MGAT4C: variants seen among roughly 807,000 people sequenced by gnomAD.
MGAT4C encodes alpha-1,3-mannosyl-glycoprotein 4-beta-N-acetylglucosaminyltransferase C.
MGAT4C carries 19 observed loss-of-function variants against 40.1 expected under a neutral mutation model. That is an observed-to-expected ratio of 0.47 (90% confidence interval 0.33 to 0.70). The LOEUF (loss-of-function observed/expected upper bound fraction) is 0.70. Among genes scored for constraint, MGAT4C ranks in the 30% least tolerant of loss-of-function variants. MGAT4C has a pLI of 0.02. For synonymous variants in MGAT4C, 181 were observed against 187.1 expected (o/e 0.97, Z 0.27); for missense variants, 491 against 563.2 (o/e 0.87, Z 1.30).
intron 3 of MGAT4C, among the ~76,000 whole-genome samples, chr12:86,361,814 A>C (rs1413132398): frequency 1.3e-5 from 2 of 152,240 alleles, no homozygotes; most frequent in South Asian, 4.1e-4. Context: ...TAGAATGGCG[A>C]TCATTAAAAA....
At chr12:86,092,191 T>C (rs1054139865) in intron 1 of MGAT4C, among the ~76,000 whole-genome samples, 2 of 152,140 alleles carry the variant, frequency 1.3e-5, no homozygotes, top group Non-Finnish European at 2.9e-5. Context: ...AAATTAGTGA[T>C]GGTTAGCTAC....
chr12:86,549,787 G>C (rs540380406), intron 2 of MGAT4C, among the ~76,000 whole-genome samples: 1 of 152,164 alleles, frequency 6.6e-6, no homozygotes, highest in South Asian at 2.1e-4. Context: ...AAGTGGAAAC[G>C]CACCTATGGT....
chr12:86,211,755 T>C (rs1950480330), intron 1 of MGAT4C, among the ~76,000 whole-genome samples: 1 of 152,164 alleles, frequency 6.6e-6, no homozygotes, highest in Admixed American at 6.5e-5. Context: ...AGCTGATCCA[T>C]ACTGGAGTTG....
In MGAT4C at chr12:86,035,136, T is replaced by A. The variant is rs1891111525; in HGVS notation, c.-7+14538A>T. ...GTCATATAGTATTTCTAGTTCTAGA[T>A]AAATTGCCACCGTCTCTTCCACAAT... is the stretch of plus-strand genomic sequence containing the variant. On this transcript the variant is annotated intron_variant, in intron 2 of 4. Transcript: ENST00000611864. 3.3e-5 allele frequency among the ~76,000 whole-genome samples: 5 copies of A among 149,408 alleles called. 1 individual carries two copies. Among genetic ancestry groups the A allele is most frequent in the Admixed American group, 6.7e-5 (1 of 14,862 alleles).
chr12:86,226,923 A>G (rs12311407), intron 1 of MGAT4C, among the ~76,000 whole-genome samples: 19,383 of 151,782 alleles, frequency 0.13, 2,782 homozygotes, highest in African/African-American at 0.36. Context: ...GCTCCTCTTT[A>G]TAGTAACAAA....
Position 86,386,380 on chromosome 12 carries a change from A to C in MGAT4C, c.-120+48777T>G, listed in dbSNP as rs2136224509. Among the ~76,000 whole-genome samples, 3 of 152,296 alleles carry C rather than the reference A, an allele frequency of 2.0e-5. No individual in the cohort carries two copies. The Middle Eastern group carries it at 0.01, about 518-fold the overall frequency. On this transcript the variant is annotated intron_variant, in intron 3 of 7. Coordinates refer to the MGAT4C transcript ENST00000548651. ...CCCACTAGACAATGAATACCTAAAA[A>C]AATGGGGCCTGCCTCTGATTTCTAT... is the stretch of plus-strand genomic sequence containing the variant.
chr12:86,356,999 A>G (rs902959332), intron 3 of MGAT4C, among the ~76,000 whole-genome samples: 2 of 152,148 alleles, frequency 1.3e-5, no homozygotes, highest in African/African-American at 2.4e-5. Flanking sequence ...AGAGTTTGAG[A>G]TCTGAGAATG....
At chr12:86,193,727 T>G (rs1889775633) in intron 1 of MGAT4C, among the ~76,000 whole-genome samples, 1 of 152,204 alleles carries the variant, frequency 6.6e-6, no homozygotes, top group Non-Finnish European at 1.5e-5. Context: ...AAGTCAGCTA[T>G]AGATGACATT....
rs1204487871 is a variant in MGAT4C, at chr12:86,155,788, AG to A, written c.-57+100450del. Among the ~76,000 whole-genome samples, 11 of 152,304 alleles carry A rather than the reference AG, an allele frequency of 7.2e-5. No homozygotes were observed. In the East Asian group the frequency reaches 1.9e-3, roughly 27 times the overall value. ...ATACACACAAATTATGGTGAAAAAA[AG>A]GTAAGAAAAAATATTCTAAAGTTGG... On this transcript the variant is annotated intron_variant, in intron 1 of 4. Coordinates refer to ENST00000611864, the MANE Select transcript of MGAT4C (RefSeq NM_001351288.2).
chr12:86,313,386 C>T (rs1454359170), intron 4 of MGAT4C, among the ~76,000 whole-genome samples: 2 of 152,044 alleles, frequency 1.3e-5, no homozygotes, highest in South Asian at 2.1e-4. Flanking sequence ...TTTTATTATC[C>T]TCTTTTCAAA....
chr12:86,445,795 T>C (rs1464736440), intron 2 of MGAT4C, among the ~76,000 whole-genome samples: 4 of 152,170 alleles, frequency 2.6e-5, no homozygotes, highest in Admixed American at 6.5e-5. Flanking sequence ...AAATATTATG[T>C]CTTGTATAAT....
chr12:86,390,738 T>A (rs1009157221), intron 3 of MGAT4C, among the ~76,000 whole-genome samples: 4 of 149,808 alleles, frequency 2.7e-5, no homozygotes, highest in African/African-American at 9.8e-5. Flanking sequence ...ATATTTATAA[T>A]TTGATTTAAA....
intron 4 of MGAT4C, among the ~76,000 whole-genome samples, chr12:86,323,756 T>G (rs1255443912): frequency 6.6e-6 from 1 of 151,960 alleles, no homozygotes; most frequent in Non-Finnish European, 1.5e-5. Context: ...GCTTCATGCC[T>G]TCTCATTGAA....
At chr12:86,758,643 T>A (rs1951347948) in intron 1 of MGAT4C, among the ~76,000 whole-genome samples, 1 of 152,040 alleles carries the variant, frequency 6.6e-6, no homozygotes, top group Non-Finnish European at 1.5e-5. Flanking sequence ...GGTTTCTGCA[T>A]GTAAGTATAT....
At chr12:86,291,104 T>C (rs2136128101) in intron 4 of MGAT4C, among the ~76,000 whole-genome samples, 1 of 152,248 alleles carries the variant, frequency 6.6e-6, no homozygotes, top group Admixed American at 6.5e-5. Context: ...TATCTGACTT[T>C]AAGGTGAGAT....
At chr12:85,988,223 CA>C (rs1885468413) in intron 3 of MGAT4C, among the ~76,000 whole-genome samples, 1 of 152,052 alleles carries the variant, frequency 6.6e-6, no homozygotes, top group South Asian at 2.1e-4. Flanking sequence ...TATTTGAAGA[CA>C]AAAAGCCTAG....
intron 3 of MGAT4C, among the ~76,000 whole-genome samples, chr12:86,432,266 G>A (rs191503054): frequency 6.6e-6 from 1 of 152,076 alleles, no homozygotes; most frequent in East Asian, 1.9e-4. Context: ...GCAAAGATAT[G>A]GAAATGGTAT....
At chr12:86,640,609 C>T (rs1042470371) in intron 2 of MGAT4C, among the ~76,000 whole-genome samples, 5 of 151,856 alleles carry the variant, frequency 3.3e-5, no homozygotes, top group Non-Finnish European at 7.4e-5. Flanking sequence ...TCCTTCAGTT[C>T]TACTCTGATT....
chr12:86,270,753 C>T (rs998648120), intron 4 of MGAT4C, among the ~76,000 whole-genome samples: 1 of 152,178 alleles, frequency 6.6e-6, no homozygotes, highest in Admixed American at 6.5e-5. Flanking sequence ...GAAGGCATCA[C>T]ATCACACTAC....
Sources: allele counts gnomAD v4.1 joint callset (sites outside exome capture counted in the v4.1 genomes callset), GRCh38; gene constraint gnomAD v4.1.1; transcripts MANE v1.5; gene names NCBI Gene and HGNC (gene_info 2026-07-23, HGNC 2026-07-21).